The following NBAS variants were observed in gnomAD, a reference collection of about 807,000 sequenced individuals.
NBAS encodes NAG/BC035112 fusion.
NBAS carries 219 observed loss-of-function variants against 302.5 expected under a neutral mutation model. That is an observed-to-expected ratio of 0.72 (90% CI 0.65 to 0.81). NBAS has a LOEUF of 0.81. NBAS is among the 30% of genes least tolerant of loss of function. The probability of loss-of-function intolerance (pLI) is 0.00; values close to 1 mark genes in which losing one functional copy is unlikely to be tolerated. For synonymous variants in NBAS, 1,118 were observed against 1,021.6 expected (o/e 1.09, Z -1.80); for missense variants, 2,932 against 2,841.6 (o/e 1.03, Z -0.72).
the NBAS span, among the ~76,000 whole-genome samples, chr2:15,034,235 G>GAAAGAAAGAAAGAAGAAAGAAA: frequency 6.1e-5 from 5 of 81,728 alleles, no homozygotes; most frequent in African/African-American, 1.8e-4. Context: ...AAAGAAAGAA[G>GAAAGAAAGAAAGAAGAAAGAAA]GAAAGAAAGA....
chr2:15,358,369 G>A (rs1274204436), intron 32 of NBAS, among the ~76,000 whole-genome samples: 1 of 152,050 alleles, frequency 6.6e-6, no homozygotes, highest in African/African-American at 2.4e-5. Flanking sequence ...CCTTGACTGG[G>A]AAAGCTGCTT....
chr2:15,527,685 T>G (rs10209046), intron 9 of NBAS, among the ~76,000 whole-genome samples: 3,936 of 152,250 alleles, frequency 0.026, 185 homozygotes, highest in African/African-American at 0.09. Flanking sequence ...CCATTAAGTT[T>G]TAATACATGG....
At chr2:15,323,663 T>A (rs1210524363) in intron 38 of NBAS, among the ~76,000 whole-genome samples, 1 of 151,950 alleles carries the variant, frequency 6.6e-6, no homozygotes, top group Non-Finnish European at 1.5e-5. Flanking sequence ...AGACTCTGTC[T>A]CTGCATTAAC....
chr2:15,333,110 G>A (rs1672426556), intron 35 of NBAS, among the ~76,000 whole-genome samples: 1 of 152,206 alleles, frequency 6.6e-6, no homozygotes, highest in Non-Finnish European at 1.5e-5. Context: ...AGAACACGAA[G>A]AGAGATCATT....
chr2:15,510,036 G>C (rs1001475036), intron 10 of NBAS, among the ~76,000 whole-genome samples: 2 of 152,166 alleles, frequency 1.3e-5, no homozygotes, highest in Non-Finnish European at 2.9e-5. Context: ...TTTTAGTAGA[G>C]ACGGGGTTTC....
At chr2:14,841,252 A>G in the NBAS span, among the ~76,000 whole-genome samples, 4 of 151,880 alleles carry the variant, frequency 2.6e-5, no homozygotes, top group African/African-American at 9.7e-5. Context: ...CTTAATCACA[A>G]AGGAAGACAG....
At chr2:15,223,822 C>G (rs1326103186) in intron 47 of NBAS, among the ~76,000 whole-genome samples, 2 of 150,332 alleles carry the variant, frequency 1.3e-5, no homozygotes, top group African/African-American at 4.9e-5. Context: ...AGCAAGACTC[C>G]ATCTCAAATA....
At chr2:14,798,772 T>TTATCTACTTCTTCCTGAATGAGATGGTA in the NBAS span, among the ~76,000 whole-genome samples, 12 of 152,110 alleles carry the variant, frequency 7.9e-5, no homozygotes, top group Non-Finnish European at 1.6e-4. Flanking sequence ...GCTACTTAGG[T>TTATCTACTTCTTCCTGAATGAGATGGTA]TATCTACTTC....
At chr2:15,323,157 A>G (rs913471778) in intron 38 of NBAS, among the ~76,000 whole-genome samples, 22 of 152,312 alleles carry the variant, frequency 1.4e-4, no homozygotes, top group Admixed American at 7.2e-4. Flanking sequence ...TTAAAATCCC[A>G]TAGACATGAC....
the NBAS span, among the ~76,000 whole-genome samples, chr2:14,933,773 T>A: frequency 6.6e-6 from 1 of 152,182 alleles, no homozygotes; most frequent in African/African-American, 2.4e-5. Flanking sequence ...TCTCTTTAAT[T>A]ACACAGGGCT....
intron 9 of NBAS, among the ~76,000 whole-genome samples, chr2:15,528,641 G>T (rs1158440720): frequency 6.7e-6 from 1 of 149,556 alleles, no homozygotes; most frequent in Non-Finnish European, 1.5e-5. Context: ...GCTGAGGCGG[G>T]AGGATGACCT....
chr2:14,885,779 A>G, the NBAS span, among the ~76,000 whole-genome samples: 187 of 152,318 alleles, frequency 1.2e-3, no homozygotes, highest in Middle Eastern at 6.8e-3. Flanking sequence ...AGGAGCCAGC[A>G]AGAACGTATA....
downstream of NBAS, among the ~76,000 whole-genome samples, chr2:15,165,469 A>G (rs1663993614): frequency 6.6e-6 from 1 of 152,186 alleles, no homozygotes; most frequent in Admixed American, 6.5e-5. Flanking sequence ...AGGTCAGGGG[A>G]GTGAGCAATT....
chr2:14,805,424 T>C, the NBAS span, among the ~76,000 whole-genome samples: 3 of 152,178 alleles, frequency 2.0e-5, no homozygotes, highest in African/African-American at 7.2e-5. Flanking sequence ...ATAAGGAGTC[T>C]GAACTTTATT....
the NBAS span, among the ~76,000 whole-genome samples, chr2:14,979,432 C>T: frequency 6.6e-6 from 1 of 152,240 alleles, no homozygotes; most frequent in Middle Eastern, 3.4e-3. Context: ...TTATTAAACC[C>T]TACTACAAGA....
At chr2:15,032,671 G>A in the NBAS span, among the ~76,000 whole-genome samples, 3 of 152,296 alleles carry the variant, frequency 2.0e-5, no homozygotes, top group Non-Finnish European at 4.4e-5. Context: ...ATGTTCAGAA[G>A]AGAGCATCAA....
chr2:15,457,188 A>G (rs918028152), intron 21 of NBAS, among the ~76,000 whole-genome samples: 6 of 152,218 alleles, frequency 3.9e-5, no homozygotes, highest in Non-Finnish European at 1.5e-5. Flanking sequence ...CTGCACAGTG[A>G]GACAGGCATC....
intron 38 of NBAS, among the ~76,000 whole-genome samples, chr2:15,322,963 T>C (rs536345255): frequency 2.0e-5 from 3 of 152,308 alleles, no homozygotes; most frequent in Non-Finnish European, 4.4e-5. Context: ...ATATTGATGG[T>C]ATATTAATAC....
chr2:15,178,929 T>G, intron 51 of NBAS, 59 bp downstream of exon 51: 1 of 1,601,090 alleles, frequency 6.2e-7, no homozygotes, highest in South Asian at 1.1e-5. Flanking sequence ...AAGTGCTAAT[T>G]CATTCCTTTG....
Sources: allele counts gnomAD v4.1 joint callset (sites outside exome capture counted in the v4.1 genomes callset), GRCh38; gene constraint gnomAD v4.1.1; transcripts MANE v1.5; gene names NCBI Gene and HGNC (gene_info 2026-07-23, HGNC 2026-07-21).